PPP2R2C: variants seen among roughly 807,000 people sequenced by gnomAD.
PPP2R2C encodes protein phosphatase 2 regulatory subunit Bgamma, also known as protein phosphatase 2, regulatory subunit B, gamma.
A neutral mutation model predicts 45.3 loss-of-function variants in PPP2R2C; 10 were observed. The observed-to-expected ratio is 0.22, with a 90% CI of 0.14 to 0.37. PPP2R2C has a LOEUF of 0.37. PPP2R2C is among the 10% of genes least tolerant of loss of function. The pLI is 1.00. For missense variants in PPP2R2C, 308 were observed against 619.7 expected (o/e 0.50, Z 5.34); for synonymous variants, 257 against 245.4 (o/e 1.05, Z -0.44).
chr4:6,554,075 C>A (rs997746608), intron 1 of PPP2R2C, among the ~76,000 whole-genome samples: 1 of 152,230 alleles, frequency 6.6e-6, no homozygotes, highest in African/African-American at 2.4e-5. Context: ...ATGGGTTGAA[C>A]TGTGTGCTCT....
intron 2 of PPP2R2C, among the ~76,000 whole-genome samples, chr4:6,508,574 G>A (rs1334677747): frequency 6.6e-6 from 1 of 151,784 alleles, no homozygotes; most frequent in Non-Finnish European, 1.5e-5. Flanking sequence ...TGGCGACGGA[G>A]TGAGACTCCA....
chr4:6,540,324 T>G (rs1724768233), intron 1 of PPP2R2C, among the ~76,000 whole-genome samples: 1 of 152,224 alleles, frequency 6.6e-6, no homozygotes, highest in African/African-American at 2.4e-5. Context: ...TATGTGGTCT[T>G]TTGTGTCTGG....
At chr4:6,435,838 C>A (rs1013158437) in intron 1 of PPP2R2C, among the ~76,000 whole-genome samples, 3 of 152,072 alleles carry the variant, frequency 2.0e-5, no homozygotes, top group Non-Finnish European at 1.5e-5. Context: ...CTTGTTCACC[C>A]CAGACTTCCC....
intron 1 of PPP2R2C, among the ~76,000 whole-genome samples, chr4:6,412,879 C>T (rs996520642): frequency 5.9e-5 from 9 of 152,192 alleles, no homozygotes; most frequent in Non-Finnish European, 1.3e-4. Context: ...CATGTGAGGA[C>T]ACAACAGGAA....
intron 1 of PPP2R2C, among the ~76,000 whole-genome samples, chr4:6,412,609 G>A (rs1439378812): frequency 6.6e-6 from 1 of 152,230 alleles, no homozygotes; most frequent in Non-Finnish European, 1.5e-5. Flanking sequence ...CCTGTGTGCT[G>A]TGGATGTTAC....
chr4:6,440,860 C>T (rs903412914), intron 1 of PPP2R2C, among the ~76,000 whole-genome samples: 1 of 152,142 alleles, frequency 6.6e-6, no homozygotes, highest in African/African-American at 2.4e-5. Context: ...GGAAGTGTTG[C>T]TGGGAAAGCC....
intron 1 of PPP2R2C, among the ~76,000 whole-genome samples, chr4:6,535,977 T>C (rs1306752392): frequency 6.6e-6 from 1 of 152,194 alleles, no homozygotes; most frequent in Admixed American, 6.5e-5. Context: ...ATACTTACCT[T>C]GAGGTTGCTT....
At chr4:6,341,727 T>C (rs914595154) in intron 6 of PPP2R2C, among the ~76,000 whole-genome samples, 1 of 151,872 alleles carries the variant, frequency 6.6e-6, no homozygotes, top group African/African-American at 2.4e-5. Context: ...AGGTCAAAGA[T>C]GGAAGAAAGA....
intron 1 of PPP2R2C, among the ~76,000 whole-genome samples, chr4:6,404,253 C>T (rs1023884178): frequency 2.0e-5 from 3 of 152,152 alleles, no homozygotes; most frequent in Non-Finnish European, 4.4e-5. Context: ...CCCCAAAGCC[C>T]GGCTGAAGGT....
intron 2 of PPP2R2C, among the ~76,000 whole-genome samples, chr4:6,490,792 G>A (rs556295215): frequency 6.6e-5 from 10 of 152,276 alleles, no homozygotes; most frequent in South Asian, 2.1e-4. Context: ...TTGCAGCCCC[G>A]CTCCCATGCC....
intron 5 of PPP2R2C, among the ~76,000 whole-genome samples, chr4:6,362,303 G>A (rs1003611561): frequency 2.0e-5 from 3 of 152,120 alleles, no homozygotes; most frequent in East Asian, 1.9e-4. Context: ...ATCCTGAAGA[G>A]GGAAGCAGGC....
chr4:6,345,220 A>G lies in PPP2R2C; in HGVS notation c.790+2626T>C, dbSNP rs995130168. Among the ~76,000 whole-genome samples, 28 of 152,256 alleles carry G rather than the reference A, an allele frequency of 1.8e-4. 1 individual carries two copies. Among genetic ancestry groups the G allele is most frequent in the African/African-American group, 4.3e-4 (18 of 41,538 alleles). ...CAGGAAGAACCCCCTCTCTTCCCCA[A>G]TATTCTCCCATTCCATTCGGACCCA... On this transcript the variant is annotated intron_variant, in intron 6 of 8. Coordinates refer to ENST00000382599, the MANE Select transcript of PPP2R2C (RefSeq NM_020416.4). The surrounding 1 kb of genome is among the most constrained non-coding windows in gnomAD (Gnocchi z 5.3).
At chr4:6,402,959 T>G (rs1717524029) in intron 1 of PPP2R2C, among the ~76,000 whole-genome samples, 1 of 152,184 alleles carries the variant, frequency 6.6e-6, no homozygotes. Flanking sequence ...GAAAGACCAA[T>G]GCAGCAGAGG....
chr4:6,376,102 G>A (rs114816493), intron 3 of PPP2R2C, among the ~76,000 whole-genome samples, 171 bp from the exon 4 acceptor site: 82 of 152,310 alleles, frequency 5.4e-4, no homozygotes, highest in African/African-American at 1.9e-3. Flanking sequence ...TCCAGCCTTC[G>A]GCCTCCCTGC....
At chr4:6,484,824 G>A (rs1577215810) in intron 2 of PPP2R2C, among the ~76,000 whole-genome samples, 1 of 151,744 alleles carries the variant, frequency 6.6e-6, no homozygotes, top group East Asian at 1.9e-4. Flanking sequence ...TAGCTTTTTT[G>A]TAGATACCTT....
chr4:6,324,363 C>CG lies in PPP2R2C; in HGVS notation c.1053-771_1053-770insC, dbSNP rs1731773141. On this transcript the variant is annotated intron_variant, in intron 8 of 8. Coordinates refer to ENST00000382599, the MANE Select transcript of PPP2R2C (RefSeq NM_020416.4). This position sits in a 1 kb window ranked among gnomAD's most constrained non-coding sequence, Gnocchi z 4.1. The stretch of plus-strand genomic sequence containing the variant: ...AGGAGAGTTGCTTGAATCCAGGAGG[C>CG]AAGGTTGTAGTGAGCCAAGATCGCG... Among the ~76,000 whole-genome samples, 1 of 152,046 alleles carries CG rather than the reference C, an allele frequency of 6.6e-6. No homozygotes were observed. Among genetic ancestry groups the CG allele is most frequent in the Non-Finnish European group, 1.5e-5 (1 of 67,998 alleles).
intron 1 of PPP2R2C, among the ~76,000 whole-genome samples, chr4:6,466,749 T>C (rs560705236): frequency 6.6e-6 from 1 of 152,260 alleles, no homozygotes; most frequent in East Asian, 1.9e-4. Flanking sequence ...CACTAAAAAG[T>C]GTAGCAAATG....
intron 1 of PPP2R2C, among the ~76,000 whole-genome samples, chr4:6,411,554 CTTTT>C (rs34210845): frequency 1.5e-5 from 2 of 136,242 alleles, no homozygotes; most frequent in African/African-American, 2.7e-5. Flanking sequence ...CTTTTCATTT[CTTTT>C]TTTTTTTTTT....
rs73076917 is a variant in PPP2R2C at position 6,348,596 on chromosome 4, C to T, written c.626-586G>A. 5.5e-3 allele frequency: 5,286 copies of T among 957,504 alleles called. 252 individuals carry two copies. In the African/African-American group the frequency reaches 0.088, roughly 16 times the overall value. 59.3% of individuals were successfully genotyped at this position (957,504 alleles called of 1,614,324 possible). A position where few individuals can be genotyped will look rare whatever the true frequency, so the allele number is the denominator to read the frequency against. On this transcript the variant is annotated intron_variant, in intron 5 of 8. Coordinates refer to ENST00000382599, the MANE Select transcript of PPP2R2C (RefSeq NM_020416.4). ...CAAAGGTTCTTCTGGGTTTCTGGGT[C>T]GGCCCCACCTCGGCTCTGATCTGTG...
Sources: allele counts gnomAD v4.1 joint callset (sites outside exome capture counted in the v4.1 genomes callset), GRCh38; gene constraint gnomAD v4.1.1; non-coding constraint Gnocchi (gnomAD v3.1); transcripts MANE v1.5; gene names NCBI Gene and HGNC (gene_info 2026-07-23, HGNC 2026-07-21).